Variants in PRKN observed in about 807,000 individuals in gnomAD.
PRKN encodes the protein parkin RBR E3 ubiquitin protein ligase.
Under a neutral mutation model 59.5 loss-of-function variants are expected in PRKN, and 56 were observed. The ratio of observed to expected loss-of-function variants is 0.94; its 90% CI spans 0.76 to 1.18. The LOEUF is 1.18. Among genes scored for constraint, PRKN ranks in the 50% most tolerant of loss-of-function variants. The probability of loss-of-function intolerance (pLI) is 0.00; values close to 1 mark genes in which losing one functional copy is unlikely to be tolerated. For missense variants in PRKN, 657 were observed against 596.4 expected (o/e 1.10, Z -1.06); for synonymous variants, 250 against 222.1 (o/e 1.13, Z -1.12).
At chr6:162,367,328 A>C (rs902409473) in intron 2 of PRKN, among the ~76,000 whole-genome samples, 1 of 152,166 alleles carries the variant, frequency 6.6e-6, no homozygotes, top group African/African-American at 2.4e-5. Flanking sequence ...GCAGTCCTTT[A>C]GAGCAGTGTG....
intron 7 of PRKN, among the ~76,000 whole-genome samples, chr6:161,655,351 T>A (rs1784304716): frequency 6.6e-6 from 1 of 151,472 alleles, no homozygotes; most frequent in Admixed American, 6.6e-5. Context: ...CTCACCGTCA[T>A]TAGCATGGGC....
At chr6:162,556,439 T>C (rs1187342460) in intron 1 of PRKN, among the ~76,000 whole-genome samples, 3 of 149,688 alleles carry the variant, frequency 2.0e-5, no homozygotes, top group Non-Finnish European at 3.0e-5. Flanking sequence ...TTTTCCCCTC[T>C]AGTGCATCAT....
chr6:162,108,947 C>T (rs942139534), intron 4 of PRKN, among the ~76,000 whole-genome samples: 4 of 152,204 alleles, frequency 2.6e-5, no homozygotes, highest in Admixed American at 2.6e-4. Context: ...GCAATGTTTA[C>T]TGAAGTGGCG....
At chr6:161,890,526 A>G (rs1420317060) in intron 6 of PRKN, among the ~76,000 whole-genome samples, 1 of 152,218 alleles carries the variant, frequency 6.6e-6, no homozygotes, top group Admixed American at 6.5e-5. Flanking sequence ...CATGGGCTGA[A>G]GACGAAGAGG....
chr6:161,760,702 G>A (rs928831466), intron 7 of PRKN, among the ~76,000 whole-genome samples: 9 of 152,166 alleles, frequency 5.9e-5, no homozygotes, highest in East Asian at 1.9e-4. Flanking sequence ...ACAGAACCCC[G>A]TCCATGGCTG....
chr6:162,520,112 A>T (rs1328182211), intron 1 of PRKN, among the ~76,000 whole-genome samples: 1 of 152,120 alleles, frequency 6.6e-6, no homozygotes, highest in Non-Finnish European at 1.5e-5. Flanking sequence ...ATTTTTAAAT[A>T]TGGCTTAGTG....
chr6:161,757,933 GTATA>G (rs1415902228), intron 7 of PRKN, among the ~76,000 whole-genome samples: 9 of 101,436 alleles, frequency 8.9e-5, no homozygotes, highest in African/African-American at 3.4e-4. Context: ...CTCTCTCTCT[GTATA>G]TATATGTATA....
At chr6:162,660,536 C>T (rs527707175) in intron 1 of PRKN, among the ~76,000 whole-genome samples, 1 of 152,300 alleles carries the variant, frequency 6.6e-6, no homozygotes. Context: ...CCTTGGATAA[C>T]TGCTTCCTTC....
intron 6 of PRKN, among the ~76,000 whole-genome samples, chr6:161,858,523 T>G (rs1327221623): frequency 6.6e-6 from 1 of 152,094 alleles, no homozygotes; most frequent in East Asian, 1.9e-4. Flanking sequence ...GCCCTAACCA[T>G]CAAGATGGTA....
At chr6:162,239,714 C>T (rs1778905038) in intron 3 of PRKN, among the ~76,000 whole-genome samples, 2 of 152,028 alleles carry the variant, frequency 1.3e-5, no homozygotes, top group African/African-American at 4.8e-5. Context: ...CCAGGCATTA[C>T]AGTGCAAAGC....
chr6:161,788,429 C>T (rs1036633884), intron 6 of PRKN, among the ~76,000 whole-genome samples: 5 of 152,128 alleles, frequency 3.3e-5, no homozygotes, highest in African/African-American at 1.2e-4. Context: ...CTGCAACTGG[C>T]AGTGAAGCAT....
At chr6:162,633,431 T>TAAAAAAAAAA (rs1777589738) in intron 1 of PRKN, among the ~76,000 whole-genome samples, 1 of 9,834 alleles carries the variant, frequency 1.0e-4, no homozygotes, top group African/African-American at 1.1e-3. Context: ...CAAGACTGTC[T>TAAAAAAAAAA]CAAAAAAAAA....
intron 6 of PRKN, among the ~76,000 whole-genome samples, chr6:161,882,622 A>G (rs1794980331): frequency 6.6e-6 from 1 of 152,214 alleles, no homozygotes; most frequent in African/African-American, 2.4e-5. Context: ...GAGTACAGTC[A>G]CTGGAGTCAA....
At position 162,220,327 on chromosome 6, in the gene PRKN, G is replaced by A. The variant is rs187787551; in HGVS notation, c.413-19075C>T. Among the ~76,000 whole-genome samples, 5 of 152,180 alleles carry A rather than the reference G, an allele frequency of 3.3e-5. No individual in the cohort carries two copies. The East Asian group carries it at 5.8e-4, about 18-fold the overall frequency. The stretch of plus-strand genomic sequence containing the variant: ...TTGCAACAAAAGCAAAAATTGACAA[G>A]AGGGACCTAATTAAACCTGCATAAT... On this transcript the variant is annotated intron_variant, in intron 3 of 11. Transcript: ENST00000366898.
At chr6:161,831,515 G>A (rs370608999) in intron 6 of PRKN, among the ~76,000 whole-genome samples, 5 of 152,262 alleles carry the variant, frequency 3.3e-5, no homozygotes, top group African/African-American at 9.6e-5. Context: ...GGAGGTTCCC[G>A]ATTTTCATAA....
intron 9 of PRKN, among the ~76,000 whole-genome samples, chr6:161,496,994 C>T (rs187098871): frequency 9.8e-5 from 15 of 152,346 alleles, no homozygotes; most frequent in East Asian, 3.9e-4. Flanking sequence ...TGCTGTTCTA[C>T]GCCACCCGGC....
intron 3 of PRKN, among the ~76,000 whole-genome samples, chr6:162,251,992 G>A (rs1181028758): frequency 6.6e-6 from 1 of 152,158 alleles, no homozygotes; most frequent in Non-Finnish European, 1.5e-5. Context: ...AACTCTGAGA[G>A]TATAAATGAC....
At chr6:162,335,197 T>A (rs1022751273) in intron 2 of PRKN, among the ~76,000 whole-genome samples, 5 of 150,806 alleles carry the variant, frequency 3.3e-5, no homozygotes, top group African/African-American at 7.3e-5. Flanking sequence ...TCTTTTTCTT[T>A]TTTTTTTTTA....
chr6:161,836,045 TAAAA>T (rs1792739208), intron 6 of PRKN, among the ~76,000 whole-genome samples: 1 of 152,168 alleles, frequency 6.6e-6, no homozygotes, highest in Non-Finnish European at 1.5e-5. Context: ...CTTTTTTCTT[TAAAA>T]AGGGGGTGGC....
Sources: gnomAD v4.1 joint callset for allele counts (sites outside exome capture counted in the v4.1 genomes callset) on GRCh38, gnomAD v4.1.1 for gene constraint, MANE v1.5 for transcripts, NCBI Gene and HGNC (gene_info 2026-07-23, HGNC 2026-07-21) for gene names.